The following HPSE2 variants were observed in gnomAD, a reference collection of about 807,000 sequenced individuals.
HPSE2 encodes the protein heparanase 2 (inactive).
Under a neutral mutation model 60.5 loss-of-function variants are expected in HPSE2, and 38 were observed. That is an observed-to-expected ratio of 0.63 (90% CI 0.48 to 0.82). HPSE2 has a LOEUF of 0.82. HPSE2 is among the 40% of genes least tolerant of loss of function. The probability of loss-of-function intolerance (pLI) is 0.00; values close to 1 mark genes in which losing one functional copy is unlikely to be tolerated. For missense variants in HPSE2, 713 were observed against 740.4 expected (o/e 0.96, Z 0.43); for synonymous variants, 295 against 293.2 (o/e 1.01, Z -0.06).
the HPSE2 span, among the ~76,000 whole-genome samples, chr10:99,256,407 A>G: frequency 2.5e-4 from 1 of 3,928 alleles, no homozygotes; most frequent in Admixed American, 1.8e-3. Context: ...GACTCACCAA[A>G]CAGGTCCTTA....
chr10:98,960,695 A>G (rs1174268360), intron 3 of HPSE2, among the ~76,000 whole-genome samples: 1 of 110,224 alleles, frequency 9.1e-6, no homozygotes, highest in East Asian at 3.3e-4. Flanking sequence ...TTAACTATGT[A>G]CATTTCTTTT....
the HPSE2 span, among the ~76,000 whole-genome samples, chr10:99,306,517 G>A: frequency 6.6e-6 from 1 of 151,926 alleles, no homozygotes; most frequent in Non-Finnish European, 1.5e-5. Flanking sequence ...ACCTCATTAT[G>A]TGAATAATAT....
At chr10:98,509,731 AC>A (rs753449834) in intron 9 of HPSE2, among the ~76,000 whole-genome samples, 53 of 152,124 alleles carry the variant, frequency 3.5e-4, no homozygotes, top group Non-Finnish European at 6.2e-4. Flanking sequence ...CGAACTGCTG[AC>A]CTCGTGATCC....
At chr10:98,476,289 C>T (rs1339314531) in intron 11 of HPSE2, among the ~76,000 whole-genome samples, 1 of 129,226 alleles carries the variant, frequency 7.7e-6, no homozygotes, top group Admixed American at 9.9e-5. Flanking sequence ...CACATGGACA[C>T]AGGAAGGGGA....
intron 2 of HPSE2, among the ~76,000 whole-genome samples, chr10:99,192,780 T>C (rs1324517917): frequency 6.6e-6 from 1 of 152,126 alleles, no homozygotes; most frequent in Non-Finnish European, 1.5e-5. Flanking sequence ...TAGAATAGTA[T>C]ATTCAGCAAA....
At chr10:99,257,586 G>A in the HPSE2 span, among the ~76,000 whole-genome samples, 217 of 152,262 alleles carry the variant, frequency 1.4e-3, no homozygotes, top group African/African-American at 5.0e-3. Context: ...CTCAAACCCT[G>A]TCTCCTGATA....
At chr10:99,148,563 G>C (rs953958149) in intron 2 of HPSE2, among the ~76,000 whole-genome samples, 1 of 152,094 alleles carries the variant, frequency 6.6e-6, no homozygotes, top group African/African-American at 2.4e-5. Context: ...GCCCAAGGTG[G>C]GCGCATCACC....
intron 3 of HPSE2, among the ~76,000 whole-genome samples, chr10:99,079,850 C>G (rs1167443417): frequency 6.6e-6 from 1 of 152,118 alleles, no homozygotes; most frequent in East Asian, 1.9e-4. Flanking sequence ...GTCCTGTCAG[C>G]ACTCCAAGAC....
rs60186369 is a variant in HPSE2, at chr10:99,186,542, C to CAAAAAA, written c.449-42149_449-42144dup. 2.0e-3 allele frequency among the ~76,000 whole-genome samples: 117 copies of CAAAAAA among 59,482 alleles called. 6 individuals carry two copies. The highest frequency in any genetic ancestry group is 3.8e-3 in the East Asian group (6 of 1,576). The allele number at this position is 59,482 out of a possible 152,430, so 39.0% of individuals were successfully genotyped here. ...TAGGTGACAGAGTGAGACTCCATCT[C>CAAAAAA]AAAAAAAAAAAAAAAAAAAAAAAAA... On this transcript the variant is annotated intron_variant, in intron 2 of 11. Coordinates refer to ENST00000370552, the MANE Select transcript of HPSE2 (RefSeq NM_021828.5).
At chr10:98,881,139 C>T (rs1375302092) in intron 3 of HPSE2, among the ~76,000 whole-genome samples, 2 of 152,040 alleles carry the variant, frequency 1.3e-5, no homozygotes, top group Admixed American at 1.3e-4. Context: ...TCTCTGGCCT[C>T]AGCACAGGCT....
chr10:98,576,745 G>A lies in HPSE2; in HGVS notation c.1320+38159C>T, dbSNP rs574821197. ...CTCCTCCATCCTGTCCTGCCCCTCC[G>A]CCCCCAACACAGTCTGAGAAAACAG... On this transcript the variant is annotated intron_variant, in intron 9 of 11. Coordinates refer to ENST00000370552, the MANE Select transcript of HPSE2 (RefSeq NM_021828.5). 3.3e-3 allele frequency among the ~76,000 whole-genome samples: 502 copies of A among 151,522 alleles called. 2 individuals carry two copies. Among genetic ancestry groups the A allele is most frequent in the Non-Finnish European group, 5.5e-3 (376 of 67,874 alleles).
chr10:98,692,062 A>G (rs991599737), intron 6 of HPSE2, among the ~76,000 whole-genome samples: 15 of 152,326 alleles, frequency 9.8e-5, no homozygotes, highest in Middle Eastern at 3.4e-3. Context: ...AAATTATTAT[A>G]AGTGCTATTA....
intron 3 of HPSE2, chr10:99,013,163 A>G: frequency 1.5e-6 from 1 of 673,250 alleles, no homozygotes; most frequent in Non-Finnish European, 2.8e-6. Context: ...CACCAGTTAG[A>G]GAACAGCATG....
intron 3 of HPSE2, among the ~76,000 whole-genome samples, chr10:98,962,440 A>G (rs928394034): frequency 6.6e-6 from 1 of 152,044 alleles, no homozygotes; most frequent in Non-Finnish European, 1.5e-5. Flanking sequence ...TTGTAGTAAT[A>G]AGAGCTATTT....
the HPSE2 span, among the ~76,000 whole-genome samples, chr10:99,312,900 T>C: frequency 6.6e-6 from 1 of 152,192 alleles, no homozygotes; most frequent in Non-Finnish European, 1.5e-5. Context: ...GGTCACTGGA[T>C]AATGGAGATG....
At chr10:99,061,975 G>A (rs1009843647) in intron 3 of HPSE2, among the ~76,000 whole-genome samples, 1 of 152,168 alleles carries the variant, frequency 6.6e-6, no homozygotes, top group African/African-American at 2.4e-5. Context: ...TGGTGGTGAG[G>A]AGAGCAGAGA....
chr10:99,261,329 A>G, the HPSE2 span, among the ~76,000 whole-genome samples: 53 of 151,810 alleles, frequency 3.5e-4, no homozygotes, highest in African/African-American at 1.3e-3. Context: ...TAATCCTTCT[A>G]TCACCTCCCC....
chr10:98,685,542 A>G (rs1453228411), intron 6 of HPSE2, among the ~76,000 whole-genome samples: 2 of 152,192 alleles, frequency 1.3e-5, no homozygotes, highest in Admixed American at 1.3e-4. Flanking sequence ...TTCACTCAGC[A>G]TATTGAGATT....
chr10:98,499,135 A>G (rs897786974), intron 9 of HPSE2, among the ~76,000 whole-genome samples: 25 of 152,340 alleles, frequency 1.6e-4, no homozygotes, highest in Non-Finnish European at 2.1e-4. Flanking sequence ...ACACCCAAAT[A>G]CAAGAAGCAC....
Sources: allele counts gnomAD v4.1 joint callset (sites outside exome capture counted in the v4.1 genomes callset), GRCh38; gene constraint gnomAD v4.1.1; transcripts MANE v1.5; gene names NCBI Gene and HGNC (gene_info 2026-07-23, HGNC 2026-07-21).